Variants in CDH12 observed in about 807,000 individuals in gnomAD.
The protein encoded by CDH12 is cadherin 12.
A neutral mutation model predicts 74.1 loss-of-function variants in CDH12; 41 were observed. The observed-to-expected ratio is 0.55, with a 90% CI of 0.43 to 0.72. CDH12 has a LOEUF of 0.72. CDH12 is among the 30% of genes least tolerant of loss of function. The probability of loss-of-function intolerance (pLI) is 0.00; values close to 1 mark genes in which losing one functional copy is unlikely to be tolerated. For synonymous variants in CDH12, 399 were observed against 355.0 expected (o/e 1.12, Z -1.39); for missense variants, 945 against 977.2 (o/e 0.97, Z 0.44).
intron 3 of CDH12, among the ~76,000 whole-genome samples, chr5:22,375,646 A>T (rs1235461820): frequency 6.6e-6 from 1 of 152,154 alleles, no homozygotes; most frequent in Non-Finnish European, 1.5e-5. Context: ...ATAAATAGAC[A>T]TTTCTTAAAA....
intron 4 of CDH12, among the ~76,000 whole-genome samples, chr5:22,155,929 A>G (rs1405426603): frequency 6.6e-6 from 1 of 152,086 alleles, no homozygotes; most frequent in Admixed American, 6.6e-5. Context: ...CCTATATGTC[A>G]GCCAGTAGCA....
At chr5:22,834,852 A>G (rs2126508382) in intron 1 of CDH12, among the ~76,000 whole-genome samples, 1 of 152,226 alleles carries the variant, frequency 6.6e-6, no homozygotes, top group East Asian at 1.9e-4. Context: ...GAAATAAGGA[A>G]GAAAACAAGA....
intron 4 of CDH12, among the ~76,000 whole-genome samples, chr5:22,086,651 C>G: frequency 6.6e-6 from 1 of 152,002 alleles, no homozygotes; most frequent in Non-Finnish European, 1.5e-5. Flanking sequence ...GCCACCGTGC[C>G]CGGCCCGAAT....
At chr5:22,301,087 C>A (rs1340551695) in intron 3 of CDH12, among the ~76,000 whole-genome samples, 1 of 151,924 alleles carries the variant, frequency 6.6e-6, no homozygotes, top group Admixed American at 6.6e-5. Context: ...ATTTTATATA[C>A]TTTGTCCTTT....
At chr5:21,981,599 C>T (rs16900716) in intron 5 of CDH12, among the ~76,000 whole-genome samples, 2,765 of 152,232 alleles carry the variant, frequency 0.018, 45 homozygotes, top group African/African-American at 0.041. Context: ...CCTTACATCT[C>T]CTTCCGTTTC....
chr5:21,932,616 C>A (rs575344815), intron 6 of CDH12, among the ~76,000 whole-genome samples: 1 of 152,020 alleles, frequency 6.6e-6, no homozygotes, highest in South Asian at 2.1e-4. Context: ...AAGAGACTAG[C>A]AAGGCCGGGT....
intron 3 of CDH12, among the ~76,000 whole-genome samples, chr5:22,244,287 C>A (rs545286907): frequency 1.3e-5 from 2 of 151,726 alleles, no homozygotes; most frequent in Non-Finnish European, 2.9e-5. Flanking sequence ...TTCAGGAGTT[C>A]GAGCCCAGTC....
intron 3 of CDH12, among the ~76,000 whole-genome samples, chr5:22,383,002 T>C: frequency 6.6e-6 from 1 of 152,052 alleles, no homozygotes; most frequent in East Asian, 1.9e-4. Context: ...AGCACATTTT[T>C]TGTGTTTTTA....
At chr5:21,858,255 T>A (rs1750856433) in intron 6 of CDH12, among the ~76,000 whole-genome samples, 1 of 151,896 alleles carries the variant, frequency 6.6e-6, no homozygotes, top group Non-Finnish European at 1.5e-5. Flanking sequence ...TAGTAAAGCA[T>A]AATTTATTTC....
chr5:21,751,105 T>A lies in CDH12; in HGVS notation c.*632A>T, dbSNP rs530412478. On this transcript the variant is annotated 3_prime_UTR_variant, in exon 15 of 15. Coordinates refer to ENST00000382254, the MANE Select transcript of CDH12 (RefSeq NM_004061.5). ...ATTTCAATTTTCTGAAAGGATAGGA[T>A]AAACAAATACGTTTTAGCATACAGT... 146 of 152,754 alleles carry A rather than the reference T, an allele frequency of 9.6e-4. No individual in the cohort carries two copies. The highest frequency in any genetic ancestry group is 3.2e-3 in the African/African-American group (134 of 41,574). The allele number at this position is 152,754 out of a possible 1,614,324, so 9.5% of individuals were successfully genotyped here.
At chr5:22,106,656 TC>T (rs1269053723) in intron 4 of CDH12, among the ~76,000 whole-genome samples, 1 of 152,168 alleles carries the variant, frequency 6.6e-6, no homozygotes, top group African/African-American at 2.4e-5. Flanking sequence ...TACCTGCCTA[TC>T]CCATGGCTCC....
chr5:22,487,878 TA>T (rs1746675672), intron 2 of CDH12, among the ~76,000 whole-genome samples: 1 of 152,230 alleles, frequency 6.6e-6, no homozygotes, highest in Non-Finnish European at 1.5e-5. Context: ...TACTAAAATT[TA>T]ACTTTTAACA....
intron 1 of CDH12, among the ~76,000 whole-genome samples, chr5:22,519,972 T>G (rs1209824302): frequency 6.6e-6 from 1 of 152,184 alleles, no homozygotes; most frequent in East Asian, 1.9e-4. Flanking sequence ...TTGTTTTTTT[T>G]CTCTCTGGTT....
intron 6 of CDH12, among the ~76,000 whole-genome samples, chr5:21,887,922 TC>T (rs370161990): frequency 1.4e-5 from 2 of 141,206 alleles, no homozygotes; most frequent in South Asian, 2.3e-4. Context: ...ATTTTTTTTT[TC>T]CCCTTAGTTC....
intron 2 of CDH12, among the ~76,000 whole-genome samples, chr5:22,458,165 C>A (rs1745364561): frequency 6.6e-6 from 1 of 152,164 alleles, no homozygotes; most frequent in Non-Finnish European, 1.5e-5. Flanking sequence ...CAGGCATAAG[C>A]CACCACGCCG....
chr5:21,781,089 T>A lies in CDH12; in HGVS notation c.1393+2269A>T, dbSNP rs191948151. On this transcript the variant is annotated intron_variant, in intron 11 of 14. Transcript: ENST00000382254. The stretch of plus-strand genomic sequence containing the variant: ...CCTAACTGCCCAAAGAGGGCAGATA[T>A]GAAAGAAGACGGCAAGGCAGAGGAA... Among the ~76,000 whole-genome samples the A allele has an allele frequency of 2.6e-3, 399 of 152,210 alleles. 2 individuals carry two copies. Among genetic ancestry groups the A allele is most frequent in the Middle Eastern group, 0.02 (6 of 294 alleles).
At chr5:22,588,532 A>G (rs1252720801) in intron 1 of CDH12, among the ~76,000 whole-genome samples, 1 of 152,188 alleles carries the variant, frequency 6.6e-6, no homozygotes, top group Non-Finnish European at 1.5e-5. Flanking sequence ...GCATAGGTTA[A>G]TGGTTGAAGT....
intron 2 of CDH12, among the ~76,000 whole-genome samples, chr5:22,412,429 T>TAATGATTAGAATG (rs1743203802): frequency 6.6e-6 from 1 of 151,968 alleles, no homozygotes; most frequent in Admixed American, 6.6e-5. Context: ...TAGAATGTCA[T>TAATGATTAGAATG]TCTGAATAGG....
chr5:22,349,540 G>A (rs1240357002), intron 3 of CDH12, among the ~76,000 whole-genome samples: 1 of 151,668 alleles, frequency 6.6e-6, no homozygotes, highest in African/African-American at 2.4e-5. Context: ...TTCCCAATTC[G>A]GAATAACATC....
Sources: allele counts gnomAD v4.1 joint callset (sites outside exome capture counted in the v4.1 genomes callset), GRCh38; gene constraint gnomAD v4.1.1; transcripts MANE v1.5; gene names NCBI Gene and HGNC (gene_info 2026-07-23, HGNC 2026-07-21).